The following NUP214 variants were observed in gnomAD, a reference collection of about 807,000 sequenced individuals.
NUP214 encodes the protein nuclear pore complex protein Nup214.
NUP214 carries 79 observed loss-of-function variants against 196.2 expected under a neutral mutation model. The observed-to-expected ratio is 0.40, with a 90% CI of 0.34 to 0.49. The LOEUF (loss-of-function observed/expected upper bound fraction) is 0.49. Among genes scored for constraint, NUP214 ranks in the 20% least tolerant of loss-of-function variants. NUP214 has a pLI of 0.58. For missense variants in NUP214, 2,468 were observed against 2,539.0 expected (o/e 0.97, Z 0.60); for synonymous variants, 1,020 against 990.5 (o/e 1.03, Z -0.56).
chr9:131,140,871 C>T (rs554816706), intron 11 of NUP214, among the ~76,000 whole-genome samples, 161 bp downstream of exon 11: 1 of 152,262 alleles, frequency 6.6e-6, no homozygotes, highest in South Asian at 2.1e-4. Context: ...CATGCATGTA[C>T]ATATTTGCCT....
intron 24 of NUP214, among the ~76,000 whole-genome samples, chr9:131,183,377 G>A (rs745489653): frequency 2.6e-5 from 4 of 152,160 alleles, no homozygotes; most frequent in African/African-American, 4.8e-5. Flanking sequence ...GAGCCACCGC[G>A]CCCGGCTGAC....
chr9:131,182,145 T>C (rs1411152196), intron 24 of NUP214, among the ~76,000 whole-genome samples: 1 of 152,254 alleles, frequency 6.6e-6, no homozygotes, highest in African/African-American at 2.4e-5. Flanking sequence ...GTACTTAGTA[T>C]CACTGAACTA....
intron 9 of NUP214, 25 bp downstream of exon 9, chr9:131,136,031 G>T: frequency 6.4e-7 from 1 of 1,559,394 alleles, no homozygotes; most frequent in African/African-American, 1.4e-5. Flanking sequence ...TGTCACTTCT[G>T]TGGTGCTTTC....
In NUP214 at chr9:131,139,423, T is replaced by C; in HGVS notation, c.1132+16T>C. ...ATCACCATCAGTAAGTGTAGCCTGG[T>C]AGTTAGTGCAGAAATAGTCTTCTTT... is the stretch of plus-strand genomic sequence containing the variant. On this transcript the variant is annotated intron_variant, in intron 10 of 35. Coordinates refer to ENST00000359428, the MANE Select transcript of NUP214 (RefSeq NM_005085.4). The C allele has an allele frequency of 6.2e-7, 1 of 1,600,874 alleles. No individual in the cohort carries two copies. The highest frequency in any genetic ancestry group is 8.5e-7 in the Non-Finnish European group (1 of 1,175,976).
intron 32 of NUP214, among the ~76,000 whole-genome samples, chr9:131,223,484 AAC>A (rs1319337218): frequency 1.3e-5 from 2 of 151,832 alleles, no homozygotes; most frequent in African/African-American, 4.8e-5. Context: ...CTCTTAAGAG[AAC>A]ACAGATTCTT....
intron 3 of NUP214, 125 bp downstream of exon 3, chr9:131,128,608 A>T (rs1564175600): frequency 1.4e-6 from 1 of 690,022 alleles, no homozygotes; most frequent in Non-Finnish European, 2.1e-6. Context: ...AATATGGGTT[A>T]AAAAAAAATC....
intron 32 of NUP214, among the ~76,000 whole-genome samples, chr9:131,223,727 ATTT>A (rs529624907): frequency 0.016 from 251 of 15,594 alleles, 1 homozygote; most frequent in African/African-American, 0.035. Flanking sequence ...TTATTTATTT[ATTT>A]TTTTTTTTTT....
chr9:131,137,336 T>C (rs967185320), intron 9 of NUP214, among the ~76,000 whole-genome samples: 1 of 152,220 alleles, frequency 6.6e-6, no homozygotes, highest in Non-Finnish European at 1.5e-5. Context: ...TTTCTTATAA[T>C]GCTGCCACCT....
chr9:131,206,070 G>A (rs927839523), intron 30 of NUP214, among the ~76,000 whole-genome samples: 2 of 149,708 alleles, frequency 1.3e-5, no homozygotes, highest in African/African-American at 2.5e-5. Context: ...CTTACAACTA[G>A]AAGCAGCCCA....
chr9:131,198,231 G>A lies in NUP214; in HGVS notation c.4737G>A (p.Thr1579=), dbSNP rs545146994. ...PATTGVPDAR[T]EAVPPASSFS... The stretch of plus-strand genomic sequence containing the variant: ...CCACGGGGGTCCCTGATGCCAGGAC[G>A]GAGGCAGTACCACCTGCTTCCTCCT... The change falls in exon 29 of 36, where the codon ACG becomes ACA. Residue 1579 remains threonine (T), a synonymous_variant. Transcript: ENST00000359428. 1.8e-5 allele frequency: 29 copies of A among 1,614,210 alleles called. No individual in the cohort carries two copies. The Admixed American group carries it at 3.0e-4, about 17-fold the overall frequency.
intron 30 of NUP214, among the ~76,000 whole-genome samples, chr9:131,206,993 A>G: frequency 6.6e-6 from 1 of 152,208 alleles, no homozygotes; most frequent in East Asian, 1.9e-4. Context: ...CTGTATCTCC[A>G]ATGCTTAGGA....
chr9:131,232,655 C>T lies in NUP214; in HGVS notation c.6239+347C>T, dbSNP rs2131115695. ...GCATGCTAACCCCTGGGCTCTGGGC[C>T]ATCACCAGGTCTCATGTGTTGATCC... On this transcript the variant is annotated intron_variant, in intron 35 of 35. Transcript: ENST00000359428. This position sits in a 1 kb window ranked among gnomAD's most constrained non-coding sequence, Gnocchi z 5.1. The T allele has an allele frequency of 2.5e-6, 1 of 406,382 alleles. No homozygotes were observed. The highest frequency in any genetic ancestry group is 2.4e-5 in the South Asian group (1 of 41,764). 25.2% of individuals were successfully genotyped at this position (406,382 alleles called of 1,614,324 possible).
rs1255850413 is a variant in NUP214 at position 131,125,628 on chromosome 9, C to A, written c.-77C>A. The A allele has an allele frequency of 7.8e-6, 12 of 1,547,730 alleles. No homozygotes were observed. Among genetic ancestry groups the A allele is most frequent in the African/African-American group, 2.7e-5 (2 of 72,816 alleles). ...GCTGGCGCTGAGGGGAGGAAGTTTG[C>A]TGTCGAGCGGCCTGGGTTCCGTGGG... On this transcript the variant is annotated 5_prime_UTR_variant, in exon 1 of 36. It adds an upstream start codon to the 5' untranslated region. Coordinates refer to ENST00000359428, the MANE Select transcript of NUP214 (RefSeq NM_005085.4). This position sits in a 1 kb window ranked among gnomAD's most constrained non-coding sequence, Gnocchi z 4.1.
intron 28 of NUP214, 72 bp downstream of exon 28, chr9:131,195,366 T>C: frequency 8.3e-7 from 1 of 1,197,696 alleles, no homozygotes; most frequent in South Asian, 1.2e-5. Context: ...TTTGCCCACA[T>C]GTTAGTATTT....
chr9:131,202,823 T>C (rs1833975198), intron 30 of NUP214, among the ~76,000 whole-genome samples: 1 of 152,132 alleles, frequency 6.6e-6, no homozygotes, highest in Non-Finnish European at 1.5e-5. Flanking sequence ...TCTGCTACGC[T>C]ATATGTAGCC....
intron 19 of NUP214, 23 bp downstream of exon 19, chr9:131,163,196 A>G (rs1832693885): frequency 6.3e-7 from 1 of 1,590,552 alleles, no homozygotes. Flanking sequence ...CTTGCACTCA[A>G]TAAATATGGG....
At chr9:131,223,727 A>ATTTATTTATTTTTTTATTTTTTTTTT in intron 32 of NUP214, among the ~76,000 whole-genome samples, 1 of 15,660 alleles carries the variant, frequency 6.4e-5, no homozygotes, top group Non-Finnish European at 1.4e-4. Context: ...TTATTTATTT[A>ATTTATTTATTTTTTTATTTTTTTTTT]TTTTTTTTTT....
At chr9:131,147,679 G>T (rs1200079401) in intron 14 of NUP214, 95 bp downstream of exon 14, 6 of 949,382 alleles carry the variant, frequency 6.3e-6, no homozygotes, top group Non-Finnish European at 1.0e-5. Context: ...TTATAATTCA[G>T]ACCTTGGACA....
intron 21 of NUP214, among the ~76,000 whole-genome samples, chr9:131,171,568 T>C (rs1832958004): frequency 6.7e-6 from 1 of 150,110 alleles, no homozygotes; most frequent in African/African-American, 2.5e-5. Context: ...TTTTTTTTGT[T>C]ATACTTTAAG....
Sources: gnomAD v4.1 joint callset for allele counts (sites outside exome capture counted in the v4.1 genomes callset) on GRCh38, gnomAD v4.1.1 for gene constraint, Gnocchi (gnomAD v3.1) non-coding constraint, MANE v1.5 for transcripts, NCBI Gene and HGNC (gene_info 2026-07-23, HGNC 2026-07-21) for gene names.